Variants in DAPK2 observed in about 807,000 individuals in gnomAD.
The protein encoded by DAPK2 is death-associated protein kinase 2.
In DAPK2, 35 loss-of-function variants were observed where a neutral mutation model predicts 44.1. That is an observed-to-expected ratio of 0.79 (90% CI 0.61 to 1.05). The LOEUF (loss-of-function observed/expected upper bound fraction) is 1.05, where lower values mean the gene tolerates loss of function less well. Among genes scored for constraint, DAPK2 ranks in the 50% least tolerant of loss-of-function variants. DAPK2 has a pLI of 0.00. For synonymous variants in DAPK2, 174 were observed against 182.6 expected (o/e 0.95, Z 0.38); for missense variants, 453 against 483.2 (o/e 0.94, Z 0.59).
intron 1 of DAPK2, among the ~76,000 whole-genome samples, chr15:63,985,351 T>C (rs1354265033): frequency 2.0e-5 from 3 of 152,210 alleles, no homozygotes; most frequent in Non-Finnish European, 4.4e-5. Flanking sequence ...AGTGAACACA[T>C]TCAGTGTGAA....
chr15:63,935,921 T>C (rs964389038), intron 4 of DAPK2: 4 of 152,214 alleles, frequency 2.6e-5, no homozygotes, highest in Admixed American at 2.6e-4. Flanking sequence ...TTCACAGAGT[T>C]TTACATTTCA....
intron 3 of DAPK2, chr15:63,942,220 C>T: frequency 1.0e-6 from 1 of 985,398 alleles, no homozygotes; most frequent in Non-Finnish European, 1.2e-6. Flanking sequence ...CTGTGGCACA[C>T]AGTCCAGGAG....
chr15:64,008,644 T>A (rs2079303502), intron 1 of DAPK2, among the ~76,000 whole-genome samples: 1 of 152,186 alleles, frequency 6.6e-6, no homozygotes, highest in African/African-American at 2.4e-5. Flanking sequence ...ATAAGGGACA[T>A]GTTTATAAAA....
At chr15:64,016,008 G>A (rs2079515854) in intron 1 of DAPK2, among the ~76,000 whole-genome samples, 1 of 152,220 alleles carries the variant, frequency 6.6e-6, no homozygotes. Context: ...CAGGGAAAGG[G>A]GGCATAGGGA....
chr15:63,942,044 C>A (rs1595765039), intron 3 of DAPK2, among the ~76,000 whole-genome samples: 3 of 152,364 alleles, frequency 2.0e-5, no homozygotes, highest in Middle Eastern at 6.8e-3. Context: ...CCCTCCCGAC[C>A]ACCATAGCTG....
rs2078481650 is a variant in DAPK2 at position 63,980,787 on chromosome 15, G to T, written c.314+2746C>A. 1.4e-5 allele frequency among the ~76,000 whole-genome samples: 1 copy of T among 73,368 alleles called. No homozygotes were observed. The highest frequency in any genetic ancestry group is 3.4e-4 in the South Asian group (1 of 2,906). 48.1% of individuals were successfully genotyped at this position (73,368 alleles called of 152,430 possible). ...CCCAATGCGGCCGTATTAGGCAGTG[G>T]GACCTTTAAGACGTGATTGGGTCGG... On this transcript the variant is annotated intron_variant, in intron 2 of 10. Coordinates refer to ENST00000261891, the Ensembl canonical transcript of DAPK2. The surrounding 1 kb of genome is among the most constrained non-coding windows in gnomAD (Gnocchi z 4.3).
chr15:63,947,712 C>G (rs1483067952), intron 3 of DAPK2, among the ~76,000 whole-genome samples: 4 of 152,238 alleles, frequency 2.6e-5, no homozygotes, highest in East Asian at 3.8e-4. Flanking sequence ...ATCATAGTCT[C>G]TGTGACTATT....
chr15:63,985,644 C>T (rs1322865067), intron 1 of DAPK2, among the ~76,000 whole-genome samples: 1 of 152,220 alleles, frequency 6.6e-6, no homozygotes, highest in Non-Finnish European at 1.5e-5. Context: ...GTTTACAGAG[C>T]ACATAGGCAG....
chr15:63,976,929 G>A lies in DAPK2; in HGVS notation c.315-5368C>T, dbSNP rs28661416. On this transcript the variant is annotated intron_variant, in intron 2 of 10. Transcript: ENST00000261891. Reference sequence around the variant, plus strand: ...TCACATTACATTTCTATTGGACAGCGCCAATAGGCAGGGTATCTCCTCTAG... The same window carrying A: ...TCACATTACATTTCTATTGGACAGCACCAATAGGCAGGGTATCTCCTCTAG... Among the ~76,000 whole-genome samples, 777 of 152,248 alleles carry A rather than the reference G, an allele frequency of 5.1e-3. 8 individuals carry two copies. The highest frequency in any genetic ancestry group is 0.018 in the African/African-American group (748 of 41,532).
intron 1 of DAPK2, among the ~76,000 whole-genome samples, chr15:63,989,188 C>CAAAAAAAAA (rs55972299): frequency 9.1e-6 from 1 of 109,842 alleles, no homozygotes; most frequent in African/African-American, 3.8e-5. Context: ...ACTTTGTCTC[C>CAAAAAAAAA]AAAAAAAAAA....
Position 63,926,008 on chromosome 15 carries a change from C to T in DAPK2, c.745G>A (p.Glu249Lys). ...AGCTCGCTCGTCTGGCTGAAGAATT[C>T]CTCATCAAAGTCGTAACTCACTGCT... The change falls in exon 7 of 11, where the codon GAA (glutamate) becomes AAA (lysine). Residue 249 changes from glutamate (E) to lysine (K), a missense_variant. Coordinates refer to ENST00000261891, the Ensembl canonical transcript of DAPK2. 3 of 1,614,202 alleles carry T rather than the reference C, an allele frequency of 1.9e-6. No homozygotes were observed. The South Asian group carries it at 3.3e-5, about 18-fold the overall frequency.
At chr15:64,024,298 C>T (rs887329969) in intron 1 of DAPK2, among the ~76,000 whole-genome samples, 24 of 152,114 alleles carry the variant, frequency 1.6e-4, no homozygotes, top group Non-Finnish European at 8.8e-5. Flanking sequence ...AGCCTTGTCT[C>T]GAAGGAGGAA....
At chr15:64,002,651 T>C (rs1340878547) in intron 1 of DAPK2, among the ~76,000 whole-genome samples, 1 of 152,182 alleles carries the variant, frequency 6.6e-6, no homozygotes, top group Non-Finnish European at 1.5e-5. Flanking sequence ...CAAGTGAATA[T>C]GCTTTGTAAA....
intron 1 of DAPK2, among the ~76,000 whole-genome samples, chr15:64,006,202 A>G (rs2079225865): frequency 6.6e-6 from 1 of 152,120 alleles, no homozygotes; most frequent in South Asian, 2.1e-4. Context: ...TGGTCCATCC[A>G]GCTTTCCCAG....
Position 63,980,375 on chromosome 15 carries a change from A to G in DAPK2, c.314+3158T>C, listed in dbSNP as rs2078469581. Among the ~76,000 whole-genome samples, 1 of 152,244 alleles carries G rather than the reference A, an allele frequency of 6.6e-6. No homozygotes were observed. Among genetic ancestry groups the G allele is most frequent in the African/African-American group, 2.4e-5 (1 of 41,460 alleles). On this transcript the variant is annotated intron_variant, in intron 2 of 10. Coordinates refer to ENST00000261891, the Ensembl canonical transcript of DAPK2. The surrounding 1 kb of genome is among the most constrained non-coding windows in gnomAD (Gnocchi z 4.3). ...GGCATGCCAATTATAGTAAGAAAGTATCAATTTATAGCTATAAAGATCAAT... is the reference window on the plus strand; with the variant it reads ...GGCATGCCAATTATAGTAAGAAAGTGTCAATTTATAGCTATAAAGATCAAT...
At chr15:63,968,361 TC>T (rs966485174) in intron 3 of DAPK2, among the ~76,000 whole-genome samples, 6 of 152,092 alleles carry the variant, frequency 3.9e-5, no homozygotes, top group African/African-American at 1.4e-4. Flanking sequence ...ACTGGCAGCA[TC>T]CTCACCTCAC....
intron 4 of DAPK2, 21 bp from the exon 6 acceptor site, chr15:63,930,476 T>C (rs756994033): frequency 2.5e-6 from 4 of 1,612,970 alleles, no homozygotes; most frequent in Non-Finnish European, 3.4e-6. Context: ...TCATATTAAA[T>C]AGTCAACATG....
intron 1 of DAPK2, among the ~76,000 whole-genome samples, chr15:63,985,375 G>A (rs574125060): frequency 6.6e-6 from 1 of 152,228 alleles, no homozygotes; most frequent in East Asian, 1.9e-4. Context: ...TAACACATAT[G>A]GTCTCTTGGA....
At chr15:63,954,186 G>T (rs2077662590) in intron 3 of DAPK2, among the ~76,000 whole-genome samples, 1 of 152,034 alleles carries the variant, frequency 6.6e-6, no homozygotes, top group African/African-American at 2.4e-5. Flanking sequence ...ATGTTTCTTG[G>T]TTACCTGTGC....
Sources: allele counts gnomAD v4.1 joint callset (sites outside exome capture counted in the v4.1 genomes callset), GRCh38; gene constraint gnomAD v4.1.1; non-coding constraint Gnocchi (gnomAD v3.1); transcripts MANE v1.5; gene names NCBI Gene and HGNC (gene_info 2026-07-23, HGNC 2026-07-21).